Variants in XKR6 observed in about 807,000 individuals in gnomAD.
XKR6 encodes the protein XK-related protein 6.
In XKR6, 22 loss-of-function variants were observed where a neutral mutation model predicts 56.7. The ratio of observed to expected loss-of-function variants is 0.39; its 90% CI spans 0.28 to 0.55. The LOEUF is 0.55. Ranked by LOEUF, XKR6 falls within the 20% of genes least tolerant of loss-of-function variation. XKR6 has a pLI of 0.66. For missense variants in XKR6, 852 were observed against 889.0 expected, an observed-to-expected ratio of 0.96 and a Z score of 0.53; for synonymous variants, 524 against 387.8, an observed-to-expected ratio of 1.35 and a Z score of -4.13.
intron 1 of XKR6, among the ~76,000 whole-genome samples, chr8:11,158,917 C>G (rs1212975503): frequency 2.6e-5 from 4 of 152,212 alleles, no homozygotes; most frequent in African/African-American, 7.2e-5. Context: ...ATGAACCTCT[C>G]AGTCTTACCC....
At chr8:10,907,720 T>C (rs570954773) in intron 2 of XKR6, among the ~76,000 whole-genome samples, 3 of 152,374 alleles carry the variant, frequency 2.0e-5, no homozygotes, top group East Asian at 1.9e-4. Flanking sequence ...TTGAGGCTTA[T>C]ACATCAGTTT....
intron 1 of XKR6, among the ~76,000 whole-genome samples, chr8:11,195,959 A>G (rs1346878380): frequency 3.7e-5 from 2 of 53,580 alleles, no homozygotes; most frequent in African/African-American, 1.5e-4. Context: ...GGATAAAATG[A>G]AAAAAAAAAA....
intron 1 of XKR6, among the ~76,000 whole-genome samples, chr8:11,127,372 G>C (rs569359454): frequency 2.8e-4 from 43 of 152,246 alleles, no homozygotes; most frequent in Middle Eastern, 3.4e-3. Flanking sequence ...CTAAATTTCA[G>C]TATTAGTTTC....
intron 1 of XKR6, among the ~76,000 whole-genome samples, chr8:11,024,573 G>T (rs926329290): frequency 1.3e-5 from 2 of 152,158 alleles, no homozygotes; most frequent in African/African-American, 2.4e-5. Flanking sequence ...TATCCTCAGG[G>T]CTTGGCCTCT....
At chr8:11,179,212 A>G (rs1276259222) in intron 1 of XKR6, among the ~76,000 whole-genome samples, 1 of 152,058 alleles carries the variant, frequency 6.6e-6, no homozygotes, top group Non-Finnish European at 1.5e-5. Context: ...AAACGAGTAT[A>G]GTCACCCAAA....
chr8:11,158,632 C>CA (rs551507201), intron 1 of XKR6, among the ~76,000 whole-genome samples: 131 of 152,036 alleles, frequency 8.6e-4, no homozygotes, highest in Non-Finnish European at 1.4e-3. Context: ...CCATCAATAG[C>CA]AAAAAAACAA....
chr8:10,921,116 G>A (rs4398870), intron 2 of XKR6, among the ~76,000 whole-genome samples: 152,288 of 152,400 alleles, frequency 1, 76,089 homozygotes, highest in Middle Eastern at 1. Context: ...CCTGGCCCCA[G>A]TGGGCTCCCA....
chr8:11,035,330 C>T (rs766149854), intron 1 of XKR6: 5 of 534,718 alleles, frequency 9.4e-6, no homozygotes, highest in Non-Finnish European at 1.9e-5. Flanking sequence ...GCAGCTTGGG[C>T]CCCCACTGGC....
intron 1 of XKR6, among the ~76,000 whole-genome samples, chr8:11,142,401 C>G (rs1358165803): frequency 2.6e-5 from 4 of 152,182 alleles, no homozygotes; most frequent in Non-Finnish European, 5.9e-5. Context: ...CTTTGGCCAA[C>G]TGATACAGTT....
chr8:11,145,472 A>G (rs992489658), intron 1 of XKR6, among the ~76,000 whole-genome samples: 1 of 152,218 alleles, frequency 6.6e-6, no homozygotes, highest in African/African-American at 2.4e-5. Flanking sequence ...CTACACAGAA[A>G]TTCCCATAGC....
intron 1 of XKR6, among the ~76,000 whole-genome samples, chr8:11,033,811 G>T (rs1799068020): frequency 6.6e-6 from 1 of 152,062 alleles, no homozygotes; most frequent in Non-Finnish European, 1.5e-5. Context: ...GACTCCTAGG[G>T]GTCCAGAAAT....
At chr8:11,006,056 C>G (rs1212743284) in intron 1 of XKR6, among the ~76,000 whole-genome samples, 4 of 152,048 alleles carry the variant, frequency 2.6e-5, no homozygotes, top group South Asian at 2.1e-4. Flanking sequence ...GGTGGCCAGG[C>G]TGGTCTCGAA....
At chr8:11,198,615 C>G (rs1005849419) in intron 1 of XKR6, among the ~76,000 whole-genome samples, 1 of 151,970 alleles carries the variant, frequency 6.6e-6, no homozygotes, top group Admixed American at 6.6e-5. Context: ...TCCACTTTGC[C>G]AAGAAACAAT....
intron 1 of XKR6, among the ~76,000 whole-genome samples, chr8:11,025,500 C>T (rs17155406): frequency 0.044 from 6,753 of 152,214 alleles, 453 homozygotes; most frequent in African/African-American, 0.15. Context: ...ACATACTTTC[C>T]CTCCAAGAAG....
intron 1 of XKR6, among the ~76,000 whole-genome samples, chr8:10,939,337 G>T (rs573200333): frequency 6.6e-6 from 1 of 152,182 alleles, no homozygotes; most frequent in Non-Finnish European, 1.5e-5. Context: ...CTGGCCCCAA[G>T]GACCAGTGAC....
Position 10,898,640 on chromosome 8 carries a change from C to T in XKR6, c.1238G>A (p.Trp413Ter). Residue 413 changes from tryptophan to a stop codon, truncating the protein, a stop_gained, in exon 3 of 3, where the codon TGG becomes TAG. Transcript: ENST00000416569. LOFTEE classifies it high-confidence loss of function. The surrounding 1 kb of genome is among the most constrained non-coding windows in gnomAD (Gnocchi z 6.6). ...CACCATGTTGAAGAGGATCTCCTCC[C>T]ACTTGGACATGCAGAAGTCTGTTCC... Reference protein sequence around the residue: ...HGGTDFCMSKWEEILFNMVVG... With the variant: ...HGGTDFCMSK The T allele has an allele frequency of 6.2e-7, 1 of 1,614,166 alleles. No homozygotes were observed. The highest frequency in any genetic ancestry group is 8.5e-7 in the Non-Finnish European group (1 of 1,180,040).
chr8:11,159,865 G>C (rs1305148309), intron 1 of XKR6, among the ~76,000 whole-genome samples: 13 of 152,156 alleles, frequency 8.5e-5, no homozygotes, highest in Non-Finnish European at 1.8e-4. Flanking sequence ...CCTTTAGAAT[G>C]TTGTTGATTA....
chr8:11,182,001 T>C (rs1023092875), intron 1 of XKR6, among the ~76,000 whole-genome samples: 2 of 152,200 alleles, frequency 1.3e-5, no homozygotes, highest in African/African-American at 4.8e-5. Flanking sequence ...CCCAGGCTGG[T>C]CTTGAACTCC....
chr8:11,170,951 T>G (rs1802336247), intron 1 of XKR6, among the ~76,000 whole-genome samples: 1 of 152,238 alleles, frequency 6.6e-6, no homozygotes, highest in East Asian at 1.9e-4. Context: ...GATACTCTGT[T>G]CTATCACCCT....
Sources: gnomAD v4.1 joint callset for allele counts (sites outside exome capture counted in the v4.1 genomes callset) on GRCh38, gnomAD v4.1.1 for gene constraint, Gnocchi (gnomAD v3.1) non-coding constraint, MANE v1.5 for transcripts, NCBI Gene and HGNC (gene_info 2026-07-23, HGNC 2026-07-21) for gene names.